CIMAP1D: variants seen among roughly 807,000 people sequenced by gnomAD.
CIMAP1D encodes the protein protein CIMAP1D.
chr19:490,081 C>T, the CIMAP1D span: 166,107 of 397,636 alleles, frequency 0.42, 35,016 homozygotes, highest in East Asian at 0.46. Context: ...CAAGGCCGGG[C>T]GCGTTGGCTC....
the CIMAP1D span, among the ~76,000 whole-genome samples, chr19:487,152 C>T: frequency 6.6e-6 from 1 of 152,174 alleles, no homozygotes; most frequent in Non-Finnish European, 1.5e-5. Flanking sequence ...CCACGCCTCA[C>T]CTATTGCAGC....
the CIMAP1D span, among the ~76,000 whole-genome samples, chr19:464,935 G>A: frequency 2.1e-5 from 3 of 140,616 alleles, no homozygotes; most frequent in Non-Finnish European, 3.1e-5. Context: ...TGGATGGAAC[G>A]GTTGATAGGT....
At chr19:471,988 C>T in the CIMAP1D span, among the ~76,000 whole-genome samples, 6 of 152,314 alleles carry the variant, frequency 3.9e-5, no homozygotes, top group East Asian at 7.7e-4. Context: ...CCTCGTGATC[C>T]GCCTGCCTCA....
At chr19:485,869 C>G in the CIMAP1D span, among the ~76,000 whole-genome samples, 1 of 152,214 alleles carries the variant, frequency 6.6e-6, no homozygotes, top group East Asian at 1.9e-4. Flanking sequence ...ATGCTCCCAG[C>G]CTCCGTGATC....
the CIMAP1D span, among the ~76,000 whole-genome samples, chr19:488,358 T>C: frequency 6.7e-6 from 1 of 149,030 alleles, no homozygotes; most frequent in African/African-American, 2.5e-5. Flanking sequence ...CCGTCTCTAC[T>C]AAAAATACAA....
the CIMAP1D span, among the ~76,000 whole-genome samples, chr19:483,908 G>A: frequency 0.011 from 1,747 of 152,216 alleles, 36 homozygotes; most frequent in African/African-American, 0.04. Flanking sequence ...TGTGCGGCAC[G>A]GGAAGGGGAC....
At chr19:475,986 A>ATTTTTTTTTTTTT in the CIMAP1D span, among the ~76,000 whole-genome samples, 1 of 39,266 alleles carries the variant, frequency 2.5e-5, no homozygotes, top group Non-Finnish European at 3.9e-5. Flanking sequence ...CGCCTGGCTA[A>ATTTTTTTTTTTTT]TTTTTTTTTT....
the CIMAP1D span, chr19:467,851 A>G: frequency 1.2e-6 from 1 of 818,852 alleles, no homozygotes; most frequent in South Asian, 1.7e-5. Context: ...TGGCCCCGAG[A>G]CACTCCCACC....
At chr19:474,873 G>A in the CIMAP1D span, 8 of 781,466 alleles carry the variant, frequency 1.0e-5, no homozygotes, top group South Asian at 1.1e-4. Context: ...ACCCTCCCAC[G>A]ACCACAGCCG....
At chr19:472,357 T>C in the CIMAP1D span, 1 of 1,244,692 alleles carries the variant, frequency 8.0e-7, no homozygotes. Flanking sequence ...GATTGGAGGA[T>C]CAGGGAAGCC....
the CIMAP1D span, among the ~76,000 whole-genome samples, chr19:471,394 C>T: frequency 5.9e-5 from 9 of 151,784 alleles, no homozygotes; most frequent in African/African-American, 1.5e-4. Context: ...GGGATCCCCC[C>T]GCCTCGGCCT....
At chr19:464,363 A>C in the CIMAP1D span, 4 of 1,531,464 alleles carry the variant, frequency 2.6e-6, no homozygotes, top group Non-Finnish European at 3.5e-6. Flanking sequence ...TCACCTCCGG[A>C]CCTGAGAGAG....
chr19:486,994 C>T, the CIMAP1D span, among the ~76,000 whole-genome samples: 1 of 152,032 alleles, frequency 6.6e-6, no homozygotes, highest in Admixed American at 6.6e-5. Flanking sequence ...TCAAGTGATC[C>T]GCCCACCTCA....
the CIMAP1D span, among the ~76,000 whole-genome samples, chr19:473,187 TAC>T: frequency 6.7e-3 from 439 of 65,496 alleles, 36 homozygotes; most frequent in East Asian, 0.033. Flanking sequence ...CTCCCAGAGA[TAC>T]ACGGTCACAG....
the CIMAP1D span, among the ~76,000 whole-genome samples, chr19:484,749 G>C: frequency 6.6e-6 from 1 of 152,228 alleles, no homozygotes. Flanking sequence ...GGGTGAGGAG[G>C]GGAGAGCAGG....
the CIMAP1D span, chr19:472,554 G>A: frequency 7.5e-7 from 1 of 1,332,582 alleles, no homozygotes; most frequent in Non-Finnish European, 1.0e-6. Context: ...CCCGAAGAAG[G>A]AGCCCTGGAC....
the CIMAP1D span, among the ~76,000 whole-genome samples, chr19:470,627 C>G: frequency 2.0e-5 from 3 of 152,148 alleles, no homozygotes; most frequent in Admixed American, 6.5e-5. Flanking sequence ...TTTGCTCATT[C>G]TGAAGGCTGA....
the CIMAP1D span, among the ~76,000 whole-genome samples, chr19:487,539 G>A: frequency 1.9e-4 from 29 of 152,322 alleles, 2 homozygotes; most frequent in Admixed American, 1.6e-3. Context: ...GGCGCATGAC[G>A]TGTGCCTGTG....
chr19:482,620 A>G, the CIMAP1D span, among the ~76,000 whole-genome samples: 1 of 152,166 alleles, frequency 6.6e-6, no homozygotes, highest in Non-Finnish European at 1.5e-5. Context: ...CTTGGCATAC[A>G]GCAGATTACT....
Sources: allele counts gnomAD v4.1 joint callset (sites outside exome capture counted in the v4.1 genomes callset), GRCh38; gene constraint gnomAD v4.1.1; transcripts MANE v1.5; gene names NCBI Gene and HGNC (gene_info 2026-07-23, HGNC 2026-07-21).